CSMD1: variants seen among roughly 807,000 people sequenced by gnomAD.
The protein encoded by CSMD1 is CUB and sushi domain-containing protein 1.
CSMD1 carries 213 observed loss-of-function variants against 417.5 expected under a neutral mutation model. The ratio of observed to expected loss-of-function variants is 0.51; its 90% CI spans 0.46 to 0.57. The LOEUF is 0.57. Among genes scored for constraint, CSMD1 ranks in the 20% least tolerant of loss-of-function variants. The pLI is 0.00. For missense variants in CSMD1, 6,923 were observed against 4,529.7 expected (o/e 1.53, Z -15.17); for synonymous variants, 2,862 against 1,736.8 (o/e 1.65, Z -16.11).
At chr8:3,388,260 A>G (rs548894224) in intron 17 of CSMD1, among the ~76,000 whole-genome samples, 13 of 152,352 alleles carry the variant, frequency 8.5e-5, no homozygotes, top group Non-Finnish European at 1.6e-4. Flanking sequence ...CAAGATAGCT[A>G]CTATTAGCCT....
chr8:3,933,028 T>C (rs1810260327), intron 5 of CSMD1, among the ~76,000 whole-genome samples: 1 of 55,630 alleles, frequency 1.8e-5, no homozygotes, highest in African/African-American at 7.5e-5. Context: ...GTGAAATGTA[T>C]GATAAAAAAA....
chr8:4,669,472 T>C lies in CSMD1; in HGVS notation c.86-31914A>G, dbSNP rs1018358343. Among the ~76,000 whole-genome samples, 6 of 152,336 alleles carry C rather than the reference T, an allele frequency of 3.9e-5. No homozygotes were observed. In the South Asian group the frequency reaches 8.3e-4, roughly 21 times the overall value. On this transcript the variant is annotated intron_variant, in intron 1 of 69. Coordinates refer to ENST00000635120, the MANE Select transcript of CSMD1 (RefSeq NM_033225.6). ...GAACAACTACTTGGAACTCAGGATG[T>C]GGACAACCGTATCTAGTCATCTTTC...
chr8:4,054,475 G>A (rs1003186724), intron 3 of CSMD1, among the ~76,000 whole-genome samples: 3 of 152,092 alleles, frequency 2.0e-5, no homozygotes, highest in Admixed American at 6.6e-5. Context: ...AAGAACGACT[G>A]CATTTTGGAA....
chr8:4,943,989 G>C (rs187849418), intron 1 of CSMD1, among the ~76,000 whole-genome samples: 1 of 152,176 alleles, frequency 6.6e-6, no homozygotes, highest in Non-Finnish European at 1.5e-5. Context: ...ACATACTGGC[G>C]GTTGTATTTG....
At chr8:4,365,981 G>A (rs1034032625) in intron 3 of CSMD1, among the ~76,000 whole-genome samples, 5 of 152,106 alleles carry the variant, frequency 3.3e-5, no homozygotes, top group African/African-American at 1.2e-4. Flanking sequence ...TGTTCATGGG[G>A]AAACTGTGTG....
In CSMD1 at chr8:4,051,979, G is replaced by T. The variant is rs373388727; in HGVS notation, c.416-19880C>A. Among the ~76,000 whole-genome samples the T allele has an allele frequency of 5.3e-5, 8 of 151,508 alleles. No homozygotes were observed. In the South Asian group the frequency reaches 1.7e-3, roughly 32 times the overall value. The stretch of plus-strand genomic sequence containing the variant: ...TCACTCTTGTTGCCCAGGCTGGAGT[G>T]CAACAGTGTTATCTCGGCTCACTGC... On this transcript the variant is annotated intron_variant, in intron 3 of 69. Transcript: ENST00000635120.
intron 5 of CSMD1, among the ~76,000 whole-genome samples, chr8:3,943,434 A>AC (rs1251487425): frequency 1.3e-5 from 2 of 151,574 alleles, no homozygotes; most frequent in East Asian, 3.9e-4. Context: ...AAAAAAAAAA[A>AC]AACAGAATTC....
At chr8:4,465,112 G>A (rs1039331820) in intron 2 of CSMD1, among the ~76,000 whole-genome samples, 7 of 152,150 alleles carry the variant, frequency 4.6e-5, no homozygotes, top group African/African-American at 1.7e-4. Context: ...GACACTAACA[G>A]TTAATTTTCC....
intron 5 of CSMD1, among the ~76,000 whole-genome samples, chr8:3,814,734 G>A (rs899639006): frequency 6.6e-6 from 1 of 152,102 alleles, no homozygotes; most frequent in Non-Finnish European, 1.5e-5. Flanking sequence ...TCTTAACTTA[G>A]GTATGAATCC....
chr8:3,935,971 T>C (rs887169597), intron 5 of CSMD1, among the ~76,000 whole-genome samples: 1 of 152,078 alleles, frequency 6.6e-6, no homozygotes, highest in African/African-American at 2.4e-5. Context: ...GTTCTTGAAA[T>C]ATAGTAAAAG....
chr8:4,484,103 G>A (rs1801242157), intron 2 of CSMD1, among the ~76,000 whole-genome samples: 1 of 151,780 alleles, frequency 6.6e-6, no homozygotes, highest in African/African-American at 2.4e-5. Flanking sequence ...TTAAACAGGA[G>A]AGCTGGGGTC....
chr8:4,081,125 G>A (rs1401794883), intron 3 of CSMD1, among the ~76,000 whole-genome samples: 1 of 152,108 alleles, frequency 6.6e-6, no homozygotes, highest in Non-Finnish European at 1.5e-5. Context: ...CACCAAATCT[G>A]CTGAACTCTT....
intron 3 of CSMD1, among the ~76,000 whole-genome samples, chr8:4,200,418 A>G (rs1799578840): frequency 6.6e-6 from 1 of 152,228 alleles, no homozygotes; most frequent in African/African-American, 2.4e-5. Flanking sequence ...AATTTGATTT[A>G]AAAGAATAAC....
intron 5 of CSMD1, among the ~76,000 whole-genome samples, chr8:3,821,724 G>A (rs546796057): frequency 1.4e-4 from 21 of 152,200 alleles, no homozygotes; most frequent in African/African-American, 4.8e-4. Flanking sequence ...GGAGGTTGCA[G>A]TGAGTTGAAA....
chr8:3,540,861 T>C (rs997417317), intron 10 of CSMD1, among the ~76,000 whole-genome samples: 1 of 152,110 alleles, frequency 6.6e-6, no homozygotes, highest in Non-Finnish European at 1.5e-5. Flanking sequence ...ATCACAATTA[T>C]TAAAAAGTCA....
At chr8:3,336,353 T>C (rs1563284919) in intron 23 of CSMD1, among the ~76,000 whole-genome samples, 1 of 152,192 alleles carries the variant, frequency 6.6e-6, no homozygotes, top group Non-Finnish European at 1.5e-5. Context: ...CCAAGAGACA[T>C]GTGTCACCTT....
intron 5 of CSMD1, among the ~76,000 whole-genome samples, chr8:3,902,041 C>A (rs930238168): frequency 2.6e-5 from 4 of 152,028 alleles, no homozygotes; most frequent in Admixed American, 2.0e-4. Context: ...CGTTGTTCTT[C>A]TTTTGCAATG....
At chr8:4,119,935 G>T (rs1441438129) in intron 3 of CSMD1, among the ~76,000 whole-genome samples, 1 of 127,254 alleles carries the variant, frequency 7.9e-6, no homozygotes, top group Non-Finnish European at 1.6e-5. Flanking sequence ...AGGAGCTGGG[G>T]ATGGTTAATA....
At chr8:3,377,305 C>T (rs1424453815) in intron 18 of CSMD1, among the ~76,000 whole-genome samples, 1 of 152,250 alleles carries the variant, frequency 6.6e-6, no homozygotes, top group Non-Finnish European at 1.5e-5. Flanking sequence ...AGCCACCATG[C>T]CTGGCTTATT....
Sources: allele counts gnomAD v4.1 joint callset (sites outside exome capture counted in the v4.1 genomes callset), GRCh38; gene constraint gnomAD v4.1.1; transcripts MANE v1.5; gene names NCBI Gene and HGNC (gene_info 2026-07-23, HGNC 2026-07-21).